ADAT1: variants seen among roughly 807,000 people sequenced by gnomAD.
ADAT1 encodes adenosine deaminase tRNA specific 1, also known as tRNA-specific adenosine deaminase 1.
In ADAT1, 58 loss-of-function variants were observed where a neutral mutation model predicts 58.6. That is an observed-to-expected ratio of 0.99 (90% CI 0.80 to 1.23). The LOEUF (loss-of-function observed/expected upper bound fraction) is 1.23. ADAT1 is among the 50% of genes most tolerant of loss of function. The probability of loss-of-function intolerance (pLI) is 0.00; values close to 1 mark genes in which losing one functional copy is unlikely to be tolerated. For synonymous variants in ADAT1, 254 were observed against 220.8 expected (o/e 1.15, Z -1.33); for missense variants, 741 against 608.6 (o/e 1.22, Z -2.29).
chr16:75,617,324 G>A (rs1376958986), intron 4 of ADAT1, 52 bp from the exon 5 acceptor site: 1 of 1,586,752 alleles, frequency 6.3e-7, no homozygotes. Context: ...TGTGGTAAGG[G>A]GAAAGCCTCT....
intron 1 of ADAT1, 64 bp from the exon 2 acceptor site, chr16:75,620,884 T>C (rs1390668740): frequency 7.2e-7 from 1 of 1,385,452 alleles, no homozygotes; most frequent in Admixed American, 2.3e-5. Context: ...TGCTACAGCC[T>C]CTCATATCCA....
chr16:75,597,201 G>T lies in ADAT1; in HGVS notation c.*3015C>A, dbSNP rs1409922354. ...AGTCTTTGCAGATCTAGTTAGTTAA[G>T]ATGAAATCAGACTGGATTAGGGCAG... On this transcript the variant is annotated 3_prime_UTR_variant, in exon 10 of 10. Transcript: ENST00000564657. 7 of 258,416 alleles carry T rather than the reference G, an allele frequency of 2.7e-5. No individual in the cohort carries two copies. 16.0% of individuals were successfully genotyped at this position (258,416 alleles called of 1,614,324 possible).
intron 9 of ADAT1, chr16:75,601,719 C>T (rs1036405746): frequency 1.6e-4 from 25 of 152,254 alleles, no homozygotes; most frequent in African/African-American, 5.8e-4. Context: ...AATTGTGCCA[C>T]TGCACTCCAG....
In ADAT1 at chr16:75,607,090, C is replaced by T. The variant is rs1020609902; in HGVS notation, c.1289+1134G>A. Among the ~76,000 whole-genome samples, 5 of 151,592 alleles carry T rather than the reference C, an allele frequency of 3.3e-5. No homozygotes were observed. The East Asian group carries it at 5.8e-4, about 18-fold the overall frequency. ...AAAATGCAAAAAAAAATTAGCTGGG[C>T]GTGGTGGCGGGCATCTGTAGTCCCA... On this transcript the variant is annotated intron_variant, in intron 8 of 9. Coordinates refer to ENST00000564657, the MANE Select transcript of ADAT1 (RefSeq NM_001324445.2).
chr16:75,608,875 T>C lies in ADAT1; in HGVS notation c.1157A>G (p.Asp386Gly). 1 of 1,614,156 alleles carries C rather than the reference T, an allele frequency of 6.2e-7. No individual in the cohort carries two copies. Among genetic ancestry groups the C allele is most frequent in the Admixed American group, 1.7e-5 (1 of 59,998 alleles). Reference sequence around the variant, plus strand: ...ACAAGGAACAAGTCGACCTGGGCTATCAGCCCTTTTTGCCTGCACCGCACT... The same window carrying C: ...ACAAGGAACAAGTCGACCTGGGCTACCAGCCCTTTTTGCCTGCACCGCACT... ...SRSAVQAKRA[D>G]SPGRLVPCGA... Residue 386 changes from aspartate (D) to glycine (G), a missense_variant, in exon 7 of 10, where the codon GAT (aspartate) becomes GGT (glycine). Asp to Gly is a moderately conservative substitution (Grantham distance 94). Transcript: ENST00000564657.
Position 75,612,270 on chromosome 16 carries a change from T to C in ADAT1, c.1016A>G (p.Glu339Gly). The C allele has an allele frequency of 6.2e-7, 1 of 1,614,142 alleles. No homozygotes were observed. Reference protein sequence around the residue: ...VVIGKCPYSQEAMQRALIGRC... With the variant: ...VVIGKCPYSQGAMQRALIGRC... ...TCCAATCAGTGCTCTCTGCATGGCT[T>C]CCTGGCTGTATGGGCACTTCCCAAT... Residue 339 changes from glutamate to glycine, a missense_variant, in exon 6 of 10, where the codon GAA becomes GGA. Transcript: ENST00000564657.
intron 2 of ADAT1, 76 bp downstream of exon 2, chr16:75,620,553 CTG>C (rs1597145555): frequency 1.8e-5 from 28 of 1,549,614 alleles, no homozygotes; most frequent in Non-Finnish European, 2.5e-5. Flanking sequence ...CTACCCACGA[CTG>C]TACCCTCACA....
intron 8 of ADAT1, 134 bp from the exon 9 acceptor site, chr16:75,603,305 G>A (rs2081275916): frequency 1.4e-6 from 1 of 717,198 alleles, no homozygotes; most frequent in Non-Finnish European, 2.3e-6. Flanking sequence ...TGTACTTGGT[G>A]AGGAGAAAAT....
intron 3 of ADAT1, chr16:75,619,695 G>A (rs370186237): frequency 2.3e-5 from 10 of 441,556 alleles, no homozygotes; most frequent in African/African-American, 1.6e-4. Context: ...CAGATCACCT[G>A]AGGTCAGGAG....
At chr16:75,620,357 G>C in intron 2 of ADAT1, 23 bp from the exon 3 acceptor site, 2 of 1,613,006 alleles carry the variant, frequency 1.2e-6, no homozygotes, top group Non-Finnish European at 1.7e-6. Context: ...AACAAATCGT[G>C]TGAGTTCTGA....
rs537832517 is a variant in ADAT1 at position 75,602,343 on chromosome 16, C to A, written c.1376+742G>T. Among the ~76,000 whole-genome samples the A allele has an allele frequency of 2.0e-5, 3 of 152,338 alleles. No homozygotes were observed. In the South Asian group the frequency reaches 6.2e-4, roughly 32 times the overall value. On this transcript the variant is annotated intron_variant, in intron 9 of 9. Transcript: ENST00000564657. ...TGAGGACATGGAAGCTCTGCCTTTG[C>A]GACCCTCCCATATCTTACCCTATAT...
At chr16:75,621,495 C>T (rs7186966) in intron 1 of ADAT1, among the ~76,000 whole-genome samples, 36,094 of 151,664 alleles carry the variant, frequency 0.24, 6,171 homozygotes, top group East Asian at 0.75. Context: ...ATAGTGATAA[C>T]AATAGTATCT....
At chr16:75,611,648 C>T (rs2081538506) in intron 6 of ADAT1, among the ~76,000 whole-genome samples, 1 of 152,036 alleles carries the variant, frequency 6.6e-6, no homozygotes, top group Non-Finnish European at 1.5e-5. Flanking sequence ...TCCCAAAGTG[C>T]TGGGATTACA....
intron 6 of ADAT1, 100 bp from the exon 7 acceptor site, chr16:75,609,088 TG>T (rs2081446624): frequency 7.2e-7 from 1 of 1,395,796 alleles, no homozygotes; most frequent in Non-Finnish European, 9.8e-7. Flanking sequence ...TTAGCAGGTG[TG>T]GGGATTTGTT....
In ADAT1 at chr16:75,597,528, G is replaced by C. The variant is rs1388489989; in HGVS notation, c.*2688C>G. ...GAAGATAATTTTTCCACAGATCCGG[G>C]GTGGGGATAGGGGGATAGTTTCGGG... On this transcript the variant is annotated 3_prime_UTR_variant, in exon 10 of 10. Transcript: ENST00000564657. 2.9e-6 allele frequency: 1 copy of C among 346,272 alleles called. No individual in the cohort carries two copies. The highest frequency in any genetic ancestry group is 5.9e-6 in the Non-Finnish European group (1 of 170,018). The allele number at this position is 346,272 out of a possible 1,614,324, so 21.4% of individuals were successfully genotyped here.
At chr16:75,605,558 T>C (rs958159441) in intron 8 of ADAT1, among the ~76,000 whole-genome samples, 1 of 152,164 alleles carries the variant, frequency 6.6e-6, no homozygotes, top group Admixed American at 6.6e-5. Flanking sequence ...ATGCAGATTT[T>C]TGACTGCAAG....
intron 5 of ADAT1, among the ~76,000 whole-genome samples, chr16:75,615,398 G>C (rs1171292036): frequency 7.2e-6 from 1 of 138,726 alleles, no homozygotes; most frequent in Non-Finnish European, 1.5e-5. Context: ...CAGTATTTTG[G>C]CTTCCCTGGG....
At position 75,600,285 on chromosome 16, in the gene ADAT1, C is replaced by A. The variant is rs750044883; in HGVS notation, c.1440G>T (p.Trp480Cys). ...KEAASSYQEA[W>C]STLRKQVFGS... ...CAAACACCTGCTTCCGGAGTGTGCT[C>A]CAGGCTTCCTGGTAAGAGGACGCAG... Residue 480 changes from tryptophan (W) to cysteine (C), a missense_variant, in exon 10 of 10, where the codon TGG becomes TGT. Coordinates refer to ENST00000564657, the MANE Select transcript of ADAT1 (RefSeq NM_001324445.2). 2 of 1,614,102 alleles carry A rather than the reference C, an allele frequency of 1.2e-6. No individual in the cohort carries two copies. Among genetic ancestry groups the A allele is most frequent in the Non-Finnish European group, 1.7e-6 (2 of 1,180,016 alleles).
chr16:75,611,760 C>A (rs770654851), intron 6 of ADAT1, among the ~76,000 whole-genome samples: 8 of 151,206 alleles, frequency 5.3e-5, no homozygotes, highest in Non-Finnish European at 1.0e-4. Flanking sequence ...TACTTTTCTT[C>A]TTTAAAAAAA....
Sources: gnomAD v4.1 joint callset for allele counts (sites outside exome capture counted in the v4.1 genomes callset) on GRCh38, gnomAD v4.1.1 for gene constraint, MANE v1.5 for transcripts, NCBI Gene and HGNC (gene_info 2026-07-23, HGNC 2026-07-21) for gene names.